Variants in RERE observed in about 807,000 individuals in gnomAD.
RERE encodes the protein arginine-glutamic acid dipeptide repeats.
Under a neutral mutation model 146.1 loss-of-function variants are expected in RERE, and 40 were observed. The observed-to-expected ratio is 0.27, with a 90% confidence interval of 0.21 to 0.36. The LOEUF (loss-of-function observed/expected upper bound fraction) is 0.36, where lower values mean the gene tolerates loss of function less well. Among genes scored for constraint, RERE ranks in the 10% least tolerant of loss-of-function variants. The pLI, the probability that RERE is intolerant of heterozygous loss-of-function variation, is 1.00. For missense variants in RERE, 1,933 were observed against 2,138.7 expected (o/e 0.90, Z 1.90); for synonymous variants, 1,003 against 866.0 (o/e 1.16, Z -2.78).
At position 8,358,060 on chromosome 1, in the gene RERE, G is replaced by T. The variant is rs903707001; in HGVS notation, c.4339+136C>A. 5.6e-6 allele frequency: 8 copies of T among 1,429,606 alleles called. No individual in the cohort carries two copies. In the African/African-American group the frequency reaches 1.1e-4, roughly 20 times the overall value. 88.6% of individuals were successfully genotyped at this position (1,429,606 alleles called of 1,614,324 possible). ...AAACCATGACGGTAGTGGATGCTGA[G>T]CTCTTCTAAGATCTGCCAGGGATGA... is the stretch of plus-strand genomic sequence containing the variant. On this transcript the variant is annotated intron_variant, in intron 20 of 22. Coordinates refer to ENST00000400908, the MANE Select transcript of RERE (RefSeq NM_001042681.2).
intron 1 of RERE, among the ~76,000 whole-genome samples, chr1:8,812,840 A>G (rs1265284334): frequency 6.6e-6 from 1 of 152,202 alleles, no homozygotes; most frequent in Non-Finnish European, 1.5e-5. Flanking sequence ...AAATATATTT[A>G]GTATTTGAAC....
chr1:8,574,605 T>C (rs1369705811), intron 4 of RERE, among the ~76,000 whole-genome samples: 3 of 152,260 alleles, frequency 2.0e-5, no homozygotes, highest in East Asian at 1.9e-4. Flanking sequence ...CAATATTATA[T>C]AGAAATGAAA....
chr1:8,402,722 G>A (rs1333118767), intron 12 of RERE, among the ~76,000 whole-genome samples: 2 of 152,122 alleles, frequency 1.3e-5, no homozygotes, highest in Admixed American at 1.3e-4. Context: ...GTATTTATAT[G>A]GTTTTGAGAT....
chr1:8,702,475 C>A (rs1639473876), intron 1 of RERE, among the ~76,000 whole-genome samples: 1 of 152,168 alleles, frequency 6.6e-6, no homozygotes, highest in African/African-American at 2.4e-5. Context: ...CTAAAAAATT[C>A]TTTTAACAAT....
At chr1:8,603,146 G>C (rs1646654377) in intron 4 of RERE, among the ~76,000 whole-genome samples, 2 of 152,160 alleles carry the variant, frequency 1.3e-5, no homozygotes. Context: ...ATCCATTTTT[G>C]GAATTACATG....
intron 1 of RERE, among the ~76,000 whole-genome samples, chr1:8,722,958 A>T (rs1639892403): frequency 6.6e-6 from 1 of 152,240 alleles, no homozygotes; most frequent in African/African-American, 2.4e-5. Flanking sequence ...CAAAATAAAA[A>T]GCTATTTGAC....
chr1:8,737,788 G>A (rs754715110), intron 1 of RERE, among the ~76,000 whole-genome samples: 1 of 152,062 alleles, frequency 6.6e-6, no homozygotes, highest in Non-Finnish European at 1.5e-5. Context: ...GGCACAGCAC[G>A]CAGTACATTT....
intron 11 of RERE, among the ~76,000 whole-genome samples, chr1:8,446,204 C>T (rs1022426053): frequency 3.3e-5 from 5 of 152,198 alleles, no homozygotes; most frequent in Non-Finnish European, 7.3e-5. Context: ...GGTCTTCTGG[C>T]TTGTAGGGTT....
At chr1:8,673,890 G>A (rs755781402) in intron 1 of RERE, among the ~76,000 whole-genome samples, 25 of 152,068 alleles carry the variant, frequency 1.6e-4, no homozygotes, top group Non-Finnish European at 2.8e-4. Flanking sequence ...AATTAGCTGG[G>A]CACCTGGTGG....
chr1:8,512,779 T>C (rs1408188613), intron 7 of RERE: 1 of 152,106 alleles, frequency 6.6e-6, no homozygotes, highest in Admixed American at 6.6e-5. Context: ...CATCTCAAAA[T>C]GAGTGGGGGT....
chr1:8,562,753 A>G (rs891293194), intron 4 of RERE, among the ~76,000 whole-genome samples: 13 of 152,254 alleles, frequency 8.5e-5, no homozygotes, highest in Admixed American at 3.3e-4. Flanking sequence ...GGCAAAAAAA[A>G]GGGGAGGGGG....
chr1:8,749,651 T>C (rs572747324), intron 1 of RERE, among the ~76,000 whole-genome samples: 11 of 152,186 alleles, frequency 7.2e-5, no homozygotes, highest in Non-Finnish European at 1.6e-4. Context: ...CAGGAGGCCA[T>C]TGTGACTGAT....
chr1:8,488,102 A>T (rs919655493), intron 10 of RERE, among the ~76,000 whole-genome samples: 1 of 151,490 alleles, frequency 6.6e-6, no homozygotes, highest in Non-Finnish European at 1.5e-5. Context: ...AAAAAAAAAA[A>T]TCAAAGACAA....
intron 1 of RERE, among the ~76,000 whole-genome samples, chr1:8,684,726 G>A (rs1639045816): frequency 6.6e-6 from 1 of 152,222 alleles, no homozygotes; most frequent in African/African-American, 2.4e-5. Context: ...CCTATGAGAA[G>A]CCTTCCTGTC....
At chr1:8,597,890 T>C (rs1385203729) in intron 4 of RERE, among the ~76,000 whole-genome samples, 1 of 152,150 alleles carries the variant, frequency 6.6e-6, no homozygotes, top group South Asian at 2.1e-4. Flanking sequence ...ACTGTGAGGA[T>C]GGATAACTAT....
chr1:8,783,117 T>G (rs1210214377), intron 1 of RERE, among the ~76,000 whole-genome samples: 3 of 152,102 alleles, frequency 2.0e-5, no homozygotes, highest in Non-Finnish European at 4.4e-5. Flanking sequence ...GAGGATCATG[T>G]GAGCCCAGGA....
rs1342894757 is a variant in RERE, at chr1:8,423,719, G to A, written c.1204-912C>T. ...GGGTGGCTCGGCGTGTGACCGCGGC[G>A]GGGCCGCGCGGCGCGGGGCCCGGGG... On this transcript the variant is annotated intron_variant, in intron 11 of 22. Transcript: ENST00000400908. The surrounding 1 kb of genome is among the most constrained non-coding windows in gnomAD (Gnocchi z 5.4). 6.1e-6 allele frequency: 6 copies of A among 979,298 alleles called. No homozygotes were observed. The highest frequency in any genetic ancestry group is 7.3e-6 in the Non-Finnish European group (6 of 827,100). The allele number at this position is 979,298 out of a possible 1,614,324, so 60.7% of individuals were successfully genotyped here.
chr1:8,551,779 T>C (rs548657432), intron 6 of RERE, among the ~76,000 whole-genome samples: 12 of 152,274 alleles, frequency 7.9e-5, no homozygotes, highest in Admixed American at 5.9e-4. Context: ...TTGAACAAGT[T>C]TGTCAAAGGT....
chr1:8,530,030 C>T (rs898178864), intron 7 of RERE, among the ~76,000 whole-genome samples: 1 of 152,146 alleles, frequency 6.6e-6, no homozygotes, highest in African/African-American at 2.4e-5. Context: ...GACCTCACTC[C>T]TGCCACCACA....
Sources: allele counts gnomAD v4.1 joint callset (sites outside exome capture counted in the v4.1 genomes callset), GRCh38; gene constraint gnomAD v4.1.1; non-coding constraint Gnocchi (gnomAD v3.1); transcripts MANE v1.5; gene names NCBI Gene and HGNC (gene_info 2026-07-23, HGNC 2026-07-21).